SBK1: variants seen among roughly 807,000 people sequenced by gnomAD.
SBK1 encodes SH3 domain binding kinase 1, also known as serine/threonine-protein kinase SBK1.
Under a neutral mutation model 24.4 loss-of-function variants are expected in SBK1, and 11 were observed. The ratio of observed to expected loss-of-function variants is 0.45; its 90% CI spans 0.28 to 0.75. The LOEUF (loss-of-function observed/expected upper bound fraction) is 0.75. SBK1 is among the 30% of genes least tolerant of loss of function. The probability of loss-of-function intolerance (pLI) is 0.12; values close to 1 mark genes in which losing one functional copy is unlikely to be tolerated. For missense variants in SBK1, 467 were observed against 620.5 expected, an observed-to-expected ratio of 0.75 and a Z score of 2.63; for synonymous variants, 308 against 284.4, an observed-to-expected ratio of 1.08 and a Z score of -0.83.
intron 1 of SBK1, among the ~76,000 whole-genome samples, chr16:28,300,564 T>C (rs2044672080): frequency 6.6e-6 from 1 of 152,122 alleles, no homozygotes; most frequent in Non-Finnish European, 1.5e-5. Context: ...GCTCAAGCCA[T>C]CTGCCTGTGT....
chr16:28,260,084 TTGTGTGTG>T (rs71140958), intron 1 of SBK1, among the ~76,000 whole-genome samples: 1 of 149,940 alleles, frequency 6.7e-6, no homozygotes, highest in East Asian at 2.0e-4. Context: ...GTGTATTTGC[TTGTGTGTG>T]TGTGTGTGTG....
intron 1 of SBK1, among the ~76,000 whole-genome samples, chr16:28,310,642 G>C (rs920047190): frequency 7.9e-5 from 12 of 152,208 alleles, no homozygotes; most frequent in African/African-American, 2.9e-4. Flanking sequence ...CCAAGAATTG[G>C]AGACCAGCCA....
intron 1 of SBK1, among the ~76,000 whole-genome samples, chr16:28,316,655 C>T (rs1459961850): frequency 6.6e-6 from 1 of 152,048 alleles, no homozygotes; most frequent in Non-Finnish European, 1.5e-5. Flanking sequence ...CCATGGCACA[C>T]GTTTACCTAT....
intron 1 of SBK1, among the ~76,000 whole-genome samples, chr16:28,308,014 CTCT>C (rs910248976): frequency 3.3e-5 from 5 of 152,192 alleles, no homozygotes; most frequent in African/African-American, 1.2e-4. Flanking sequence ...AAGCCGTCTT[CTCT>C]TTACAGGCTG....
intron 1 of SBK1, among the ~76,000 whole-genome samples, chr16:28,283,499 C>T (rs539919274): frequency 7.9e-5 from 12 of 152,228 alleles, no homozygotes; most frequent in South Asian, 2.1e-4. Flanking sequence ...TGCTTTTCAG[C>T]GCCATAGAAA....
At chr16:28,302,214 G>C (rs1481154134) in intron 1 of SBK1, among the ~76,000 whole-genome samples, 1 of 152,220 alleles carries the variant, frequency 6.6e-6, no homozygotes, top group Non-Finnish European at 1.5e-5. Context: ...GGAGGGGCTG[G>C]CCAGGGATGA....
chr16:28,273,239 A>T (rs1449032933), intron 1 of SBK1, among the ~76,000 whole-genome samples: 2 of 146,900 alleles, frequency 1.4e-5, no homozygotes, highest in Non-Finnish European at 3.0e-5. Flanking sequence ...TTTTCTTTTG[A>T]GACAGAGTTT....
chr16:28,297,953 GGGCTGGGACCGT>G lies in SBK1; in HGVS notation c.-8+4656_-8+4667del, dbSNP rs1447994178. 7.9e-5 allele frequency among the ~76,000 whole-genome samples: 12 copies of G among 152,202 alleles called. No homozygotes were observed. The East Asian group carries it at 1.2e-3, about 15-fold the overall frequency. ...GAGCCTCTTCTAGCACTCTGCCTGA[GGGCTGGGACCGT>G]GGTTTTGTGGGTAAAGCCCTCCTCC... On this transcript the variant is annotated intron_variant, in intron 1 of 3. Transcript: ENST00000341901.
Position 28,319,527 on chromosome 16 carries a change from A to G in SBK1, c.429+330A>G, listed in dbSNP as rs1390810885. 6.6e-6 allele frequency among the ~76,000 whole-genome samples: 1 copy of G among 152,102 alleles called. No homozygotes were observed. The stretch of plus-strand genomic sequence containing the variant: ...GATCCACCTGGGAAGGGGCCCTCAG[A>G]GGAAGCGACCCTGGAACCGGGACGG... On this transcript the variant is annotated intron_variant, in intron 3 of 3. Coordinates refer to ENST00000341901, the MANE Select transcript of SBK1 (RefSeq NM_001024401.3). This position sits in a 1 kb window ranked among gnomAD's most constrained non-coding sequence, Gnocchi z 4.0.
chr16:28,320,329 T>TGGC lies in SBK1; in HGVS notation c.686_688dup (p.Ala229dup), dbSNP rs1281984375. 1 of 1,592,430 alleles carries TGGC rather than the reference T, an allele frequency of 6.3e-7. No individual in the cohort carries two copies. The highest frequency in any genetic ancestry group is 8.5e-7 in the Non-Finnish European group (1 of 1,175,658). On this transcript the variant is annotated inframe_insertion, in exon 4 of 4. Coordinates refer to ENST00000341901, the MANE Select transcript of SBK1 (RefSeq NM_001024401.3). This position sits in a 1 kb window ranked among gnomAD's most constrained non-coding sequence, Gnocchi z 8.5. ...TGCCAGGCGGGCCGCGCCGACGGGC[T>TGGC]GGCGGTGGACACGGGCGTGGACGTG...
At chr16:28,305,157 C>A (rs1259120860) in intron 1 of SBK1, among the ~76,000 whole-genome samples, 1 of 152,154 alleles carries the variant, frequency 6.6e-6, no homozygotes, top group Non-Finnish European at 1.5e-5. Context: ...CCACTCTCTG[C>A]ACCTCCATAT....
At chr16:28,280,213 GTA>G (rs1285179439) in intron 1 of SBK1, among the ~76,000 whole-genome samples, 1 of 118,546 alleles carries the variant, frequency 8.4e-6, no homozygotes, top group Admixed American at 9.6e-5. Flanking sequence ...GTATATATAC[GTA>G]TACGCATATA....
chr16:28,280,253 G>C (rs990401346), intron 1 of SBK1, among the ~76,000 whole-genome samples: 10 of 134,946 alleles, frequency 7.4e-5, no homozygotes, highest in Non-Finnish European at 1.1e-4. Context: ...GTATATATCT[G>C]TATATATACG....
chr16:28,271,822 C>A (rs928901762), intron 1 of SBK1, among the ~76,000 whole-genome samples: 6 of 152,128 alleles, frequency 3.9e-5, no homozygotes, highest in Non-Finnish European at 8.8e-5. Context: ...AAAACCGAAA[C>A]TTTTGAACAG....
intron 1 of SBK1, among the ~76,000 whole-genome samples, chr16:28,280,629 C>T (rs1242558405): frequency 6.6e-6 from 1 of 151,900 alleles, no homozygotes; most frequent in African/African-American, 2.4e-5. Flanking sequence ...TATGGCCCTA[C>T]TGTGAGACCC....
At position 28,320,281 on chromosome 16, in the gene SBK1, T is replaced by A; in HGVS notation, c.635T>A (p.Ile212Asn). 6.3e-7 allele frequency: 1 copy of A among 1,589,726 alleles called. No homozygotes were observed. The highest frequency in any genetic ancestry group is 8.5e-7 in the Non-Finnish European group (1 of 1,173,746). The part of the protein sequence containing the change: ...GCRVKRVSGT[I>N]PYTAPEVCQA... ...CGCGTCAAGCGCGTGAGCGGCACCA[T>A]CCCTTACACGGCGCCTGAGGTGTGC... is the stretch of plus-strand genomic sequence containing the variant. The change falls in exon 4 of 4, where the codon ATC becomes AAC. Residue 212 changes from isoleucine to asparagine, a missense_variant. Ile to Asn is a moderately radical substitution (Grantham distance 149). Coordinates refer to ENST00000341901, the MANE Select transcript of SBK1 (RefSeq NM_001024401.3). The surrounding 1 kb of genome is among the most constrained non-coding windows in gnomAD (Gnocchi z 8.5).
At chr16:28,260,021 G>A (rs2044387424) in intron 1 of SBK1, among the ~76,000 whole-genome samples, 1 of 151,944 alleles carries the variant, frequency 6.6e-6, no homozygotes, top group South Asian at 2.1e-4. Context: ...CACTGCAGTG[G>A]CACCTAACAG....
chr16:28,269,213 T>C (rs12447328), intron 1 of SBK1, among the ~76,000 whole-genome samples: 9,807 of 151,816 alleles, frequency 0.065, 570 homozygotes, highest in Admixed American at 0.19. Flanking sequence ...TTTGTATTTT[T>C]TAGTAGAGGT....
intron 1 of SBK1, among the ~76,000 whole-genome samples, chr16:28,270,013 C>G (rs1476980968): frequency 6.6e-6 from 1 of 152,146 alleles, no homozygotes; most frequent in African/African-American, 2.4e-5. Context: ...TGGCATCGGA[C>G]TTCTCAACAG....
Sources: gnomAD v4.1 joint callset for allele counts (sites outside exome capture counted in the v4.1 genomes callset) on GRCh38, gnomAD v4.1.1 for gene constraint, Gnocchi (gnomAD v3.1) non-coding constraint, MANE v1.5 for transcripts, NCBI Gene and HGNC (gene_info 2026-07-23, HGNC 2026-07-21) for gene names.